Variants in RAB3GAP1 observed in about 807,000 individuals in gnomAD.
The protein encoded by RAB3GAP1 is rab3 GTPase-activating protein catalytic subunit.
Under a neutral mutation model 130.7 loss-of-function variants are expected in RAB3GAP1, and 86 were observed. The ratio of observed to expected loss-of-function variants is 0.66; its 90% CI spans 0.55 to 0.79. RAB3GAP1 has a LOEUF of 0.79. RAB3GAP1 is among the 30% of genes least tolerant of loss of function. The pLI is 0.00. For synonymous variants in RAB3GAP1, 367 were observed against 401.7 expected, an observed-to-expected ratio of 0.91 and a Z score of 1.03; for missense variants, 1,029 against 1,169.4, an observed-to-expected ratio of 0.88 and a Z score of 1.75.
intron 5 of RAB3GAP1, among the ~76,000 whole-genome samples, chr2:135,106,834 T>C (rs1358029506): frequency 1.0e-5 from 1 of 95,400 alleles, no homozygotes; most frequent in African/African-American, 4.2e-5. Context: ...TGTGAAGAAA[T>C]AATGGCTGAG....
intron 3 of RAB3GAP1, among the ~76,000 whole-genome samples, chr2:135,059,519 G>A (rs1689110261): frequency 6.6e-6 from 1 of 152,068 alleles, no homozygotes; most frequent in Admixed American, 6.5e-5. Context: ...TTTTTAAATT[G>A]ATATATGATA....
At chr2:135,163,471 G>C (rs1260517371) in intron 22 of RAB3GAP1, among the ~76,000 whole-genome samples, 1 of 152,194 alleles carries the variant, frequency 6.6e-6, no homozygotes, top group Non-Finnish European at 1.5e-5. Flanking sequence ...CAGGGTGCAG[G>C]TGCTGAAACC....
intron 13 of RAB3GAP1, among the ~76,000 whole-genome samples, chr2:135,131,557 T>TTG (rs1691544804): frequency 6.6e-6 from 1 of 152,128 alleles, no homozygotes; most frequent in Non-Finnish European, 1.5e-5. Context: ...AAGGATTGCT[T>TTG]TGACAACAGT....
At chr2:135,093,217 T>C (rs1375245037) in intron 4 of RAB3GAP1, among the ~76,000 whole-genome samples, 2 of 152,126 alleles carry the variant, frequency 1.3e-5, no homozygotes, top group Non-Finnish European at 2.9e-5. Context: ...ACATTTAAGA[T>C]GGACAGGGGG....
At chr2:135,100,613 A>G (rs969962421) in intron 5 of RAB3GAP1, among the ~76,000 whole-genome samples, 1 of 152,238 alleles carries the variant, frequency 6.6e-6, no homozygotes, top group African/African-American at 2.4e-5. Flanking sequence ...CCTTTCTTAA[A>G]GTTTAGGAAG....
chr2:135,072,514 G>T (rs1036940707), intron 3 of RAB3GAP1, among the ~76,000 whole-genome samples: 4 of 152,192 alleles, frequency 2.6e-5, no homozygotes, highest in African/African-American at 9.7e-5. Flanking sequence ...TTTGAATTTA[G>T]TTAGACACAA....
chr2:135,125,306 C>T (rs1427329282), intron 9 of RAB3GAP1, among the ~76,000 whole-genome samples: 1 of 152,042 alleles, frequency 6.6e-6, no homozygotes, highest in East Asian at 1.9e-4. Flanking sequence ...CAGTAGTACC[C>T]CCTTATCCAC....
intron 13 of RAB3GAP1, among the ~76,000 whole-genome samples, chr2:135,132,276 A>G (rs1455881058): frequency 6.6e-6 from 1 of 152,232 alleles, no homozygotes; most frequent in African/African-American, 2.4e-5. Flanking sequence ...TCTTAAAAGA[A>G]TGTTATTCAA....
intron 3 of RAB3GAP1, among the ~76,000 whole-genome samples, chr2:135,087,203 A>G (rs1373395066): frequency 6.6e-6 from 1 of 151,972 alleles, no homozygotes; most frequent in Non-Finnish European, 1.5e-5. Flanking sequence ...TTCCAGTAGC[A>G]CCTCTGTTGT....
intron 3 of RAB3GAP1, among the ~76,000 whole-genome samples, chr2:135,090,118 C>T (rs1690103076): frequency 6.6e-6 from 1 of 152,106 alleles, no homozygotes; most frequent in Non-Finnish European, 1.5e-5. Flanking sequence ...GTGTATCATA[C>T]ATGACAGTTC....
intron 3 of RAB3GAP1, among the ~76,000 whole-genome samples, chr2:135,081,846 T>A (rs1172817695): frequency 6.6e-6 from 1 of 152,030 alleles, no homozygotes; most frequent in Admixed American, 6.6e-5. Context: ...TCAGTGTAAA[T>A]TATTTTTAAT....
chr2:135,175,877 A>G (rs890434282), intron 24 of RAB3GAP1, among the ~76,000 whole-genome samples: 1 of 152,364 alleles, frequency 6.6e-6, no homozygotes, highest in East Asian at 1.9e-4. Context: ...AGGTTTCCAG[A>G]GAGAAAATCA....
rs751399927 is a variant in RAB3GAP1, at chr2:135,052,344, A to T, written c.18+19A>T. 6.2e-7 allele frequency: 1 copy of T among 1,614,090 alleles called. No homozygotes were observed. The highest frequency in any genetic ancestry group is 1.1e-5 in the South Asian group (1 of 91,078). On this transcript the variant is annotated intron_variant, in intron 1 of 23. Coordinates refer to ENST00000264158, the MANE Select transcript of RAB3GAP1 (RefSeq NM_012233.3). ...CAGTGAGGTGATTTCTTTGCTCCCT[A>T]CTTAATCCTTGTCACTATCTAAATT...
chr2:135,132,081 T>C (rs141825546), intron 13 of RAB3GAP1, among the ~76,000 whole-genome samples: 26 of 152,218 alleles, frequency 1.7e-4, no homozygotes, highest in Non-Finnish European at 2.9e-4. Context: ...TTGTGCCTTA[T>C]GGCACTTGGC....
intron 17 of RAB3GAP1, among the ~76,000 whole-genome samples, chr2:135,146,863 T>C (rs1357994124): frequency 6.6e-6 from 1 of 152,180 alleles, no homozygotes; most frequent in African/African-American, 2.4e-5. Context: ...CAAGTTTGTT[T>C]ATCCATTCAC....
chr2:135,136,441 C>T (rs1468551772), intron 17 of RAB3GAP1, among the ~76,000 whole-genome samples: 1 of 152,110 alleles, frequency 6.6e-6, no homozygotes, highest in Non-Finnish European at 1.5e-5. Context: ...AATCAAGGAC[C>T]TTTAAAAGAT....
chr2:135,085,544 T>C (rs1009660988), intron 3 of RAB3GAP1, among the ~76,000 whole-genome samples: 3 of 152,198 alleles, frequency 2.0e-5, no homozygotes, highest in Non-Finnish European at 4.4e-5. Context: ...TCCAAAGTTA[T>C]GGCTTAGACT....
intron 3 of RAB3GAP1, among the ~76,000 whole-genome samples, chr2:135,085,969 T>G (rs1475995023): frequency 2.0e-5 from 3 of 152,216 alleles, no homozygotes; most frequent in Non-Finnish European, 4.4e-5. Context: ...TCACTGTATA[T>G]TTTAGTTTTT....
chr2:135,112,141 A>G (rs1574120501), intron 5 of RAB3GAP1, among the ~76,000 whole-genome samples: 1 of 151,774 alleles, frequency 6.6e-6, no homozygotes, highest in Admixed American at 6.6e-5. Context: ...TCTGCTGAAA[A>G]CCCTGCCCCT....
Sources: allele counts gnomAD v4.1 joint callset (sites outside exome capture counted in the v4.1 genomes callset), GRCh38; gene constraint gnomAD v4.1.1; transcripts MANE v1.5; gene names NCBI Gene and HGNC (gene_info 2026-07-23, HGNC 2026-07-21).